Variants in BRWD3 observed in about 807,000 individuals in gnomAD.
The protein encoded by BRWD3 is bromodomain and WD repeat domain containing 3.
BRWD3 carries 10 observed loss-of-function variants against 149.7 expected under a neutral mutation model. The ratio of observed to expected loss-of-function variants is 0.07; its 90% CI spans 0.04 to 0.11. The LOEUF (loss-of-function observed/expected upper bound fraction) is 0.11, where lower values mean the gene tolerates loss of function less well. Ranked by LOEUF, BRWD3 falls within the 10% of genes least tolerant of loss-of-function variation. BRWD3 has a pLI of 1.00. For synonymous variants in BRWD3, 504 were observed against 456.7 expected (o/e 1.10, Z -1.32); for missense variants, 940 against 1,373.2 (o/e 0.68, Z 4.99).
chrX:80,775,466 A>T (rs1468932791), intron 6 of BRWD3, among the ~76,000 whole-genome samples: 1 of 112,122 alleles, frequency 8.9e-6, no homozygotes, highest in South Asian at 3.6e-4. Context: ...ATATTATCTC[A>T]TGTCTTATTT....
intron 6 of BRWD3, among the ~76,000 whole-genome samples, chrX:80,770,210 C>A (rs1334168120): frequency 1.8e-5 from 2 of 111,406 alleles, no homozygotes; most frequent in Non-Finnish European, 3.8e-5. Flanking sequence ...GAAACTAGTC[C>A]AATCAATAGA....
Position 80,744,080 on chromosome X carries a change from T to C in BRWD3, c.765A>G (p.Ala255=). ...VVRVWCLRTC[A]PVAVLQGHSA... is the part of the protein sequence containing the mutation. ...AATGGCCCTGAAGGACTGCAACGGG[T>C]GCACAAGTTCGAAGACACCATACTC... is the stretch of plus-strand genomic sequence containing the variant. The change falls in exon 8 of 41, where the codon GCA becomes GCG. Residue 255 remains alanine (A), a synonymous_variant. Transcript: ENST00000373275. 1 of 1,211,484 alleles carries C rather than the reference T, an allele frequency of 8.3e-7. No individual in the cohort carries two copies. Among genetic ancestry groups the C allele is most frequent in the Non-Finnish European group, 1.1e-6 (1 of 895,329 alleles).
At chrX:80,754,490 C>T (rs921364509) in intron 6 of BRWD3, among the ~76,000 whole-genome samples, 2 of 111,512 alleles carry the variant, frequency 1.8e-5, no homozygotes, top group East Asian at 2.8e-4. Flanking sequence ...AATTTGGATG[C>T]CTTTTATTTC....
At chrX:80,690,235 A>C in intron 31 of BRWD3, 143 bp from the exon 32 acceptor site, 1 of 582,858 alleles carries the variant, frequency 1.7e-6, no homozygotes, top group South Asian at 3.0e-5. Context: ...TATTTGACTG[A>C]TGAGCACTAA....
At chrX:80,719,380 A>G in intron 18 of BRWD3, 109 bp downstream of exon 18, 1 of 730,428 alleles carries the variant, frequency 1.4e-6, no homozygotes, top group Non-Finnish European at 1.9e-6. Context: ...GTAAATTAAT[A>G]AAAAAGTTTT....
At chrX:80,798,475 T>C (rs745755470) in intron 4 of BRWD3, among the ~76,000 whole-genome samples, 23 of 111,535 alleles carry the variant, frequency 2.1e-4, no homozygotes, top group African/African-American at 7.5e-4. Flanking sequence ...TAAACCACTC[T>C]TTTTGTTTAA....
chrX:80,784,501 C>T (rs767501567), intron 6 of BRWD3, among the ~76,000 whole-genome samples: 161 of 111,149 alleles, frequency 1.4e-3, no homozygotes, highest in African/African-American at 5.0e-3. Context: ...GGTATTGAGT[C>T]CCACATGCAT....
intron 30 of BRWD3, 133 bp from the exon 31 acceptor site, chrX:80,691,306 T>C (rs1315475419): frequency 1.8e-5 from 12 of 669,590 alleles, no homozygotes; most frequent in South Asian, 6.0e-5. Context: ...GATTCCATTA[T>C]ACAAACAGAA....
At chrX:80,741,686 C>A (rs2073507943) in intron 8 of BRWD3, among the ~76,000 whole-genome samples, 1 of 110,799 alleles carries the variant, frequency 9.0e-6, no homozygotes, top group South Asian at 3.7e-4. Context: ...TCTCATGTGT[C>A]TCTTGGCTGC....
chrX:80,764,154 A>G (rs2073832147), intron 6 of BRWD3, among the ~76,000 whole-genome samples: 1 of 112,612 alleles, frequency 8.9e-6, no homozygotes, highest in South Asian at 3.6e-4. Context: ...GCAATTTGAC[A>G]TACAGAAGTG....
intron 24 of BRWD3, among the ~76,000 whole-genome samples, chrX:80,703,062 C>T (rs767296038): frequency 1.5e-4 from 17 of 111,407 alleles, no homozygotes; most frequent in Non-Finnish European, 2.6e-4. Flanking sequence ...AAACTACATT[C>T]CCCTGCTCAT....
chrX:80,690,441 A>C (rs1311295573), intron 31 of BRWD3, among the ~76,000 whole-genome samples: 1 of 111,622 alleles, frequency 9.0e-6, no homozygotes, highest in Admixed American at 9.5e-5. Flanking sequence ...ATTATAAAAA[A>C]TGACAGATTT....
intron 20 of BRWD3, among the ~76,000 whole-genome samples, chrX:80,712,766 G>A (rs1404776272): frequency 2.8e-4 from 30 of 105,929 alleles, no homozygotes; most frequent in Admixed American, 2.1e-3. Context: ...CTGCCGCCCC[G>A]TCTGGGATGT....
intron 37 of BRWD3, 47 bp downstream of exon 37, chrX:80,683,963 C>T: frequency 8.6e-7 from 1 of 1,161,858 alleles, no homozygotes; most frequent in Non-Finnish European, 1.2e-6. Flanking sequence ...TTTTCAGTAA[C>T]TGGTTAAAGA....
intron 4 of BRWD3, among the ~76,000 whole-genome samples, chrX:80,801,905 C>A (rs1175865776): frequency 9.1e-6 from 1 of 110,171 alleles, no homozygotes; most frequent in African/African-American, 3.3e-5. Flanking sequence ...GGTTGAGAAT[C>A]CCTGCAATAA....
At chrX:80,766,804 G>T (rs185436170) in intron 6 of BRWD3, among the ~76,000 whole-genome samples, 1,337 of 112,179 alleles carry the variant, frequency 0.012, 16 homozygotes, top group Non-Finnish European at 0.013. Flanking sequence ...AAGCAGGGTG[G>T]GGCACTGCCT....
intron 8 of BRWD3, among the ~76,000 whole-genome samples, chrX:80,736,926 G>C (rs1229575528): frequency 8.9e-6 from 1 of 111,811 alleles, no homozygotes; most frequent in Non-Finnish European, 1.9e-5. Flanking sequence ...CCCAAATGAA[G>C]ATAATTAAAC....
Position 80,672,449 on chromosome X carries a change from GGAA to G in BRWD3, c.*4157_*4159del, listed in dbSNP as rs1421831391. 1 of 100,290 alleles carries G rather than the reference GGAA, an allele frequency of 1.0e-5. No individual in the cohort carries two copies. Among genetic ancestry groups the G allele is most frequent in the African/African-American group, 3.7e-5 (1 of 27,204 alleles). The allele number at this position is 100,290 out of a possible 1,213,427, so 8.3% of individuals were successfully genotyped here. On this transcript the variant is annotated 3_prime_UTR_variant, in exon 41 of 41. Transcript: ENST00000373275. ...GGGGAGGGAGGAATGAAGGAATGAAGGAAGAAGGAAGGAGAAAAGAAAAAAGAA... is the reference window on the plus strand; with the variant it reads ...GGGGAGGGAGGAATGAAGGAATGAAGGAAGGAAGGAGAAAAGAAAAAAGAA...
At chrX:80,689,399 T>A (rs1429692108) in intron 33 of BRWD3, among the ~76,000 whole-genome samples, 1 of 111,907 alleles carries the variant, frequency 8.9e-6, no homozygotes, top group African/African-American at 3.2e-5. Context: ...AACTTTAAAA[T>A]ACTTTAATAT....
Sources: gnomAD v4.1 joint callset for allele counts (sites outside exome capture counted in the v4.1 genomes callset) on GRCh38, gnomAD v4.1.1 for gene constraint, MANE v1.5 for transcripts, NCBI Gene and HGNC (gene_info 2026-07-23, HGNC 2026-07-21) for gene names.